Variants in EVI5 observed in about 807,000 individuals in gnomAD.
EVI5 encodes the protein ecotropic viral integration site 5.
Under a neutral mutation model 112.0 loss-of-function variants are expected in EVI5, and 73 were observed. The observed-to-expected ratio is 0.65, with a 90% CI of 0.54 to 0.79. The LOEUF is 0.79. EVI5 is among the 30% of genes least tolerant of loss of function. EVI5 has a pLI of 0.00. For synonymous variants in EVI5, 305 were observed against 319.9 expected, an observed-to-expected ratio of 0.95 and a Z score of 0.50; for missense variants, 900 against 968.8, an observed-to-expected ratio of 0.93 and a Z score of 0.94.
rs995982917 is a variant in EVI5 at position 92,673,959 on chromosome 1, T to C, written c.1158+3199A>G. Among the ~76,000 whole-genome samples, 16 of 152,310 alleles carry C rather than the reference T, an allele frequency of 1.1e-4. No individual in the cohort carries two copies. In the East Asian group the frequency reaches 3.1e-3, roughly 29 times the overall value. Reference sequence around the variant, plus strand: ...CACATTTCACAACATCAAAGGCTAATTTTATACTTCCATATCAAAACATCA... The same window carrying C: ...CACATTTCACAACATCAAAGGCTAACTTTATACTTCCATATCAAAACATCA... On this transcript the variant is annotated intron_variant, in intron 10 of 19. Coordinates refer to ENST00000684568, the MANE Select transcript of EVI5 (RefSeq NM_001350197.2).
chr1:92,743,582 T>C (rs1346687361), intron 1 of EVI5, among the ~76,000 whole-genome samples: 3 of 152,104 alleles, frequency 2.0e-5, no homozygotes, highest in Non-Finnish European at 4.4e-5. Context: ...GAAAAAATTA[T>C]AGAGATGATG....
chr1:92,720,954 A>C (rs1295313338), intron 2 of EVI5, among the ~76,000 whole-genome samples: 1 of 152,238 alleles, frequency 6.6e-6, no homozygotes, highest in Non-Finnish European at 1.5e-5. Context: ...GAGAAATGCA[A>C]ATCAAAACCA....
At chr1:92,667,351 C>A (rs761852316) in intron 10 of EVI5, among the ~76,000 whole-genome samples, 56 of 151,972 alleles carry the variant, frequency 3.7e-4, no homozygotes, top group Non-Finnish European at 5.7e-4. Context: ...GTATAGATGA[C>A]AAGTTGCAAA....
intron 10 of EVI5, among the ~76,000 whole-genome samples, chr1:92,675,031 A>G (rs1666489879): frequency 6.6e-6 from 1 of 152,218 alleles, no homozygotes; most frequent in South Asian, 2.1e-4. Context: ...ATATTTCCTC[A>G]AAAAACAAAG....
chr1:92,738,547 A>G (rs1014939382), intron 1 of EVI5, among the ~76,000 whole-genome samples: 18 of 152,326 alleles, frequency 1.2e-4, no homozygotes, highest in African/African-American at 4.3e-4. Context: ...AAAGAAATTT[A>G]TATCATACCC....
intron 19 of EVI5, among the ~76,000 whole-genome samples, chr1:92,561,608 C>CTATCTAT (rs1557790129): frequency 1.4e-4 from 18 of 132,248 alleles, no homozygotes; most frequent in South Asian, 1.3e-3. Context: ...TCTAATCTAT[C>CTATCTAT]CTATCTATCT....
At chr1:92,566,309 T>C (rs917480944) in intron 18 of EVI5, among the ~76,000 whole-genome samples, 1 of 152,220 alleles carries the variant, frequency 6.6e-6, no homozygotes, top group Non-Finnish European at 1.5e-5. Flanking sequence ...TTCCACATAA[T>C]GATGTTTTGG....
chr1:92,785,692 CTTTG>C (rs957515711), upstream of EVI5, among the ~76,000 whole-genome samples: 3 of 152,176 alleles, frequency 2.0e-5, no homozygotes, highest in Non-Finnish European at 2.9e-5. Context: ...AAGGAAAGTA[CTTTG>C]TTTGGGACGG....
chr1:92,747,422 A>C (rs1174839793), intron 1 of EVI5, among the ~76,000 whole-genome samples: 1 of 152,116 alleles, frequency 6.6e-6, no homozygotes, highest in Non-Finnish European at 1.5e-5. Flanking sequence ...GGCTTAAAAC[A>C]ACAGAAATAA....
At chr1:92,561,554 A>ATCTATTTAT in intron 19 of EVI5, among the ~76,000 whole-genome samples, 1 of 127,582 alleles carries the variant, frequency 7.8e-6, no homozygotes, top group Non-Finnish European at 1.7e-5. Context: ...GATGAGACTG[A>ATCTATTTAT]CTATCTATCT....
chr1:92,623,291 T>C (rs1463545250), intron 16 of EVI5, among the ~76,000 whole-genome samples: 2 of 152,206 alleles, frequency 1.3e-5, no homozygotes, highest in Non-Finnish European at 2.9e-5. Flanking sequence ...AAACAAGATA[T>C]ATTTATTCTG....
intron 16 of EVI5, among the ~76,000 whole-genome samples, chr1:92,615,493 T>G (rs1287211612): frequency 6.6e-6 from 1 of 152,068 alleles, no homozygotes. Context: ...ACCCTAAAAC[T>G]TGGAATGGGG....
intron 1 of EVI5, among the ~76,000 whole-genome samples, chr1:92,744,598 T>TCACACACA (rs758493472): frequency 5.1e-5 from 3 of 58,566 alleles, no homozygotes; most frequent in African/African-American, 2.0e-4. Flanking sequence ...TCTCTCTCTC[T>TCACACACA]CTCACACACA....
At chr1:92,612,739 A>G (rs1652157557) in intron 16 of EVI5, among the ~76,000 whole-genome samples, 1 of 151,640 alleles carries the variant, frequency 6.6e-6, no homozygotes. Flanking sequence ...AAAAAAAAAA[A>G]AAGCCAGCCA....
intron 18 of EVI5, among the ~76,000 whole-genome samples, chr1:92,591,389 T>C (rs551906957): frequency 2.0e-5 from 3 of 152,046 alleles, no homozygotes; most frequent in Non-Finnish European, 4.4e-5. Flanking sequence ...GAGACACACA[T>C]AGGCTCAAAA....
intron 19 of EVI5, among the ~76,000 whole-genome samples, chr1:92,514,832 G>C (rs1164241919): frequency 6.6e-6 from 1 of 152,174 alleles, no homozygotes; most frequent in Admixed American, 6.5e-5. Context: ...TATCTTGAGA[G>C]AATGTCTCCA....
rs139209754 is a variant in EVI5, at chr1:92,538,248, G to A, written c.2167-24278C>T. Among the ~76,000 whole-genome samples, 8 of 152,190 alleles carry A rather than the reference G, an allele frequency of 5.3e-5. No homozygotes were observed. The South Asian group carries it at 1.5e-3, about 28-fold the overall frequency. On this transcript the variant is annotated intron_variant, in intron 19 of 19. Coordinates refer to ENST00000684568, the MANE Select transcript of EVI5 (RefSeq NM_001350197.2). ...TAGAAGGTACTCTAAGGTCAACGCTGATGAGGCTACGAATATGTGAGGTTC... is the reference window on the plus strand; with the variant it reads ...TAGAAGGTACTCTAAGGTCAACGCTAATGAGGCTACGAATATGTGAGGTTC...
rs541496173 is a variant in EVI5, at chr1:92,650,977, CA to C, written c.1392+11741del. On this transcript the variant is annotated intron_variant, in intron 13 of 19. Coordinates refer to ENST00000684568, the MANE Select transcript of EVI5 (RefSeq NM_001350197.2). ...ATCTTAGCTCCTCAGGGAAGCTCTC[CA>C]AAACTAGCTTACCTACAGTAGCACC... Among the ~76,000 whole-genome samples, 644 of 152,270 alleles carry C rather than the reference CA, an allele frequency of 4.2e-3. 4 individuals carry two copies. Among genetic ancestry groups the C allele is most frequent in the African/African-American group, 0.015 (622 of 41,550 alleles).
upstream of EVI5, among the ~76,000 whole-genome samples, chr1:92,785,471 C>T (rs1308797962): frequency 6.6e-6 from 1 of 152,224 alleles, no homozygotes; most frequent in East Asian, 1.9e-4. Context: ...GACGCGCATG[C>T]TTCGGAAGGC....
Sources: gnomAD v4.1 joint callset for allele counts (sites outside exome capture counted in the v4.1 genomes callset) on GRCh38, gnomAD v4.1.1 for gene constraint, MANE v1.5 for transcripts, NCBI Gene and HGNC (gene_info 2026-07-23, HGNC 2026-07-21) for gene names.